The following DNAH14 variants were observed in gnomAD, a reference collection of about 807,000 sequenced individuals.
DNAH14 encodes axonemal beta dynein heavy chain 14.
A neutral mutation model predicts 520.9 loss-of-function variants in DNAH14; 478 were observed. That is an observed-to-expected ratio of 0.92 (90% CI 0.85 to 0.99). The LOEUF (loss-of-function observed/expected upper bound fraction) is 0.99, where lower values mean the gene tolerates loss of function less well. DNAH14 is among the 50% of genes least tolerant of loss of function. DNAH14 has a pLI of 0.00. For synonymous variants in DNAH14, 1,581 were observed against 1,757.2 expected, an observed-to-expected ratio of 0.90 and a Z score of 2.51; for missense variants, 4,831 against 5,234.5, an observed-to-expected ratio of 0.92 and a Z score of 2.38.
chr1:225,169,262 G>C (rs1476806395), intron 36 of DNAH14, among the ~76,000 whole-genome samples: 1 of 152,216 alleles, frequency 6.6e-6, no homozygotes, highest in African/African-American at 2.4e-5. Context: ...AAGGAACGCA[G>C]CTCCTCACCA....
intron 60 of DNAH14, among the ~76,000 whole-genome samples, chr1:225,312,517 T>C (rs2094388996): frequency 6.6e-6 from 1 of 152,198 alleles, no homozygotes; most frequent in African/African-American, 2.4e-5. Flanking sequence ...ATCCTTGTCT[T>C]GTGCTGGTTT....
intron 43 of DNAH14, chr1:225,250,670 G>C: frequency 1.8e-6 from 1 of 563,302 alleles, no homozygotes; most frequent in Non-Finnish European, 3.3e-6. Flanking sequence ...GAAGCACTGG[G>C]GTCAGTCACA....
chr1:225,360,151 C>A (rs545951595), intron 74 of DNAH14, among the ~76,000 whole-genome samples: 19 of 152,318 alleles, frequency 1.2e-4, no homozygotes, highest in Middle Eastern at 3.4e-3. Context: ...TCCATCTCCA[C>A]CCATGTCTCT....
intron 8 of DNAH14, among the ~76,000 whole-genome samples, chr1:224,995,607 C>T (rs951978132): frequency 7.2e-5 from 11 of 151,866 alleles, no homozygotes; most frequent in African/African-American, 1.7e-4. Flanking sequence ...AGTTTTTAGC[C>T]GTTATTTCTT....
Position 225,145,346 on chromosome 1 carries a change from G to T in DNAH14, c.4761G>T (p.Val1587=). The change falls in exon 30 of 86, where the codon GTG becomes GTT. Residue 1587 remains valine, a synonymous_variant. Transcript: ENST00000682510. ...DLAKSLGKHC[V]VFNCFEDLDY... ...CCCAGTCCTTAGGCAAACATTGTGTGGTCTTCAACTGTTTTGAGGATTTGG... is the reference window on the plus strand; with the variant it reads ...CCCAGTCCTTAGGCAAACATTGTGTTGTCTTCAACTGTTTTGAGGATTTGG... The T allele has an allele frequency of 6.5e-7, 1 of 1,546,108 alleles. No homozygotes were observed. Among genetic ancestry groups the T allele is most frequent in the Non-Finnish European group, 8.7e-7 (1 of 1,144,626 alleles).
intron 10 of DNAH14, among the ~76,000 whole-genome samples, chr1:225,017,723 T>C (rs1182799250): frequency 2.6e-5 from 4 of 152,234 alleles, no homozygotes; most frequent in Non-Finnish European, 5.9e-5. Flanking sequence ...AGCTGGGGCT[T>C]GCCCATGAGT....
intron 11 of DNAH14, among the ~76,000 whole-genome samples, chr1:225,038,238 G>C (rs1384589246): frequency 6.6e-6 from 1 of 151,894 alleles, no homozygotes; most frequent in Admixed American, 6.6e-5. Context: ...AGGGTTGAAC[G>C]GTTTTGTTTT....
intron 41 of DNAH14, among the ~76,000 whole-genome samples, chr1:225,224,650 A>T (rs1015462806): frequency 5.3e-5 from 8 of 152,284 alleles, no homozygotes; most frequent in African/African-American, 1.9e-4. Flanking sequence ...TTCTTATCTC[A>T]TACTCCTGTA....
At chr1:225,233,925 T>C (rs1426074323) in intron 42 of DNAH14, among the ~76,000 whole-genome samples, 1 of 152,202 alleles carries the variant, frequency 6.6e-6, no homozygotes, top group African/African-American at 2.4e-5. Context: ...TTTTTGGTTT[T>C]ACATTTAAGT....
intron 37 of DNAH14, among the ~76,000 whole-genome samples, chr1:225,189,342 TTGGGTA>T (rs2085121499): frequency 1.3e-5 from 2 of 151,764 alleles, no homozygotes; most frequent in South Asian, 2.1e-4. Flanking sequence ...TGTGCCATCT[TTGGGTA>T]TGCTATCAGA....
rs145708302 is a variant in DNAH14, at chr1:225,184,639, A to T, written c.5536-652A>T. 3.5e-3 allele frequency among the ~76,000 whole-genome samples: 535 copies of T among 152,190 alleles called. 4 individuals are homozygous for T. The highest frequency in any genetic ancestry group is 0.012 in the African/African-American group (518 of 41,518). ...TGTCTCAAAGAAAATAAAAACAAAAACAAAACATATGATTGTCTCAGTAGA... is the reference window on the plus strand; with the variant it reads ...TGTCTCAAAGAAAATAAAAACAAAATCAAAACATATGATTGTCTCAGTAGA... On this transcript the variant is annotated intron_variant, in intron 36 of 85. Coordinates refer to ENST00000682510, the MANE Select transcript of DNAH14 (RefSeq NM_001367479.1).
Position 225,082,639 on chromosome 1 carries a change from C to T in DNAH14, c.3227C>T (p.Pro1076Leu), listed in dbSNP as rs2073276942. 25 of 1,551,466 alleles carry T rather than the reference C, an allele frequency of 1.6e-5. No homozygotes were observed. Among genetic ancestry groups the T allele is most frequent in the Non-Finnish European group, 2.2e-5 (25 of 1,146,922 alleles). The change falls in exon 20 of 86, where the codon CCC becomes CTC. Residue 1076 changes from proline (P) to leucine (L), a missense_variant. Pro to Leu is a moderately conservative substitution (Grantham distance 98). Transcript: ENST00000682510. ...CCTATCATTATAGCTCTGGGAAATC[C>T]CTGTCTCAAGCCAAGGCATTGGGAG... ...ELPIIIALGNPCLKPRHWEAL... is the reference protein window; with the variant it reads ...ELPIIIALGNLCLKPRHWEAL...
intron 60 of DNAH14, among the ~76,000 whole-genome samples, chr1:225,311,992 G>A (rs1029079856): frequency 1.3e-5 from 2 of 151,924 alleles, no homozygotes; most frequent in African/African-American, 4.8e-5. Context: ...AAAAGTCAAT[G>A]GTAACTTGAT....
At chr1:225,351,919 T>C (rs768331225) in intron 72 of DNAH14, 36 bp downstream of exon 72, 2 of 1,453,988 alleles carry the variant, frequency 1.4e-6, no homozygotes, top group Admixed American at 2.2e-5. Flanking sequence ...CTAACTTAAG[T>C]ATGTGTGTAT....
chr1:225,082,993 A>G (rs2073319702), intron 20 of DNAH14, among the ~76,000 whole-genome samples: 1 of 152,168 alleles, frequency 6.6e-6, no homozygotes, highest in South Asian at 2.1e-4. Context: ...GACAGATAAA[A>G]TTAGTGTTTC....
At chr1:225,008,199 T>A (rs2064348217) in intron 10 of DNAH14, among the ~76,000 whole-genome samples, 1 of 152,088 alleles carries the variant, frequency 6.6e-6, no homozygotes, top group African/African-American at 2.4e-5. Context: ...CCTGTGTTAG[T>A]TTGCTGAGAA....
intron 42 of DNAH14, among the ~76,000 whole-genome samples, chr1:225,237,272 T>C (rs769914118): frequency 6.6e-6 from 1 of 152,140 alleles, no homozygotes; most frequent in Non-Finnish European, 1.5e-5. Context: ...TTTTTCTAGA[T>C]TTAGTGCTTC....
Position 225,374,674 on chromosome 1 carries a change from T to C in DNAH14, c.12319-14T>C. The C allele has an allele frequency of 6.5e-7, 1 of 1,539,268 alleles. No individual in the cohort carries two copies. The highest frequency in any genetic ancestry group is 8.8e-7 in the Non-Finnish European group (1 of 1,138,936). ...CACATACTGAAATAATAAAGACTCATGGGTTTTCCAAAGGTTGCCATTAAG... is the reference window on the plus strand; with the variant it reads ...CACATACTGAAATAATAAAGACTCACGGGTTTTCCAAAGGTTGCCATTAAG... On this transcript the variant is annotated splice_polypyrimidine_tract_variant and intron_variant, in intron 77 of 85. Coordinates refer to ENST00000682510, the MANE Select transcript of DNAH14 (RefSeq NM_001367479.1).
rs577947979 is a variant in DNAH14, at chr1:225,228,951, G to A, written c.6440-2122G>A. On this transcript the variant is annotated intron_variant, in intron 41 of 85. Transcript: ENST00000682510. ...GGGCGTAGATACAAAGGAATGTAGAGGAGTTTATCTAAATAGCTTGTTTAC... is the reference window on the plus strand; with the variant it reads ...GGGCGTAGATACAAAGGAATGTAGAAGAGTTTATCTAAATAGCTTGTTTAC... Among the ~76,000 whole-genome samples, 13 of 152,284 alleles carry A rather than the reference G, an allele frequency of 8.5e-5. No homozygotes were observed. The South Asian group carries it at 1.4e-3, about 17-fold the overall frequency.
Sources: gnomAD v4.1 joint callset for allele counts (sites outside exome capture counted in the v4.1 genomes callset) on GRCh38, gnomAD v4.1.1 for gene constraint, MANE v1.5 for transcripts, NCBI Gene and HGNC (gene_info 2026-07-23, HGNC 2026-07-21) for gene names.